JARID2: variants seen among roughly 807,000 people sequenced by gnomAD.
The protein encoded by JARID2 is jumonji and AT-rich interaction domain containing 2.
JARID2 carries 21 observed loss-of-function variants against 125.6 expected under a neutral mutation model. The observed-to-expected ratio is 0.17, with a 90% confidence interval of 0.12 to 0.24. The LOEUF (loss-of-function observed/expected upper bound fraction) is 0.24. JARID2 is among the 10% of genes least tolerant of loss of function. The pLI, the probability that JARID2 is intolerant of heterozygous loss-of-function variation, is 1.00. For synonymous variants in JARID2, 736 were observed against 661.6 expected (o/e 1.11, Z -1.73); for missense variants, 1,303 against 1,639.6 (o/e 0.79, Z 3.55).
At chr6:15,511,200 T>C (rs200762357) in intron 12 of JARID2, 96 bp from the exon 13 acceptor site, 1 of 696,954 alleles carries the variant, frequency 1.4e-6, no homozygotes, top group Non-Finnish European at 2.5e-6. Flanking sequence ...GAGCCTCTCG[T>C]GTGCTCGGGT....
intron 2 of JARID2, among the ~76,000 whole-genome samples, chr6:15,378,603 T>C (rs1039170837): frequency 2.6e-5 from 4 of 152,186 alleles, no homozygotes; most frequent in African/African-American, 9.7e-5. Flanking sequence ...TAATTCACAG[T>C]AGCAGAATTG....
intron 1 of JARID2, among the ~76,000 whole-genome samples, chr6:15,370,206 C>T (rs891127324): frequency 2.6e-5 from 4 of 152,100 alleles, no homozygotes; most frequent in Admixed American, 2.6e-4. Context: ...TAGTGATTTC[C>T]TTGCCCCGTG....
chr6:15,496,110 C>T (rs1235071479), intron 6 of JARID2, 22 bp from the exon 7 acceptor site: 2 of 1,577,542 alleles, frequency 1.3e-6, no homozygotes, highest in Admixed American at 3.5e-5. Flanking sequence ...TTTTTTCCAC[C>T]TCTGCTTCTG....
intron 1 of JARID2, among the ~76,000 whole-genome samples, chr6:15,250,144 T>G (rs938874742): frequency 6.6e-6 from 1 of 152,228 alleles, no homozygotes; most frequent in Non-Finnish European, 1.5e-5. Context: ...TCAAGCAGAA[T>G]TTGTACCACT....
chr6:15,518,155 G>A (rs1554149001), intron 17 of JARID2, among the ~76,000 whole-genome samples: 1 of 152,250 alleles, frequency 6.6e-6, no homozygotes, highest in Non-Finnish European at 1.5e-5. Flanking sequence ...AAATGTCCAG[G>A]CACAGTTGCA....
chr6:15,394,576 G>A (rs1268019546), intron 2 of JARID2, among the ~76,000 whole-genome samples: 1 of 152,156 alleles, frequency 6.6e-6, no homozygotes, highest in Non-Finnish European at 1.5e-5. Flanking sequence ...TGCAGCGTGG[G>A]ACACAGAGCA....
At chr6:15,448,908 T>C (rs1179329418) in intron 3 of JARID2, among the ~76,000 whole-genome samples, 1 of 152,114 alleles carries the variant, frequency 6.6e-6, no homozygotes, top group African/African-American at 2.4e-5. Context: ...CCCAATAAAT[T>C]AGGCTTGTGT....
At chr6:15,504,136 C>G (rs1373760529) in intron 8 of JARID2, among the ~76,000 whole-genome samples, 1 of 149,036 alleles carries the variant, frequency 6.7e-6, no homozygotes, top group African/African-American at 2.5e-5. Context: ...TGGCCCGCAG[C>G]AGCCTTTGTC....
intron 2 of JARID2, among the ~76,000 whole-genome samples, chr6:15,381,979 T>C (rs1388785716): frequency 2.0e-5 from 3 of 152,206 alleles, no homozygotes; most frequent in Non-Finnish European, 2.9e-5. Context: ...TACTGTAGGA[T>C]AAATGCTTTA....
intron 1 of JARID2, among the ~76,000 whole-genome samples, chr6:15,322,367 A>G (rs1340290475): frequency 2.0e-5 from 3 of 152,210 alleles, no homozygotes; most frequent in Non-Finnish European, 2.9e-5. Flanking sequence ...CATATTCACT[A>G]TTATCACTCT....
chr6:15,465,810 G>T lies in JARID2; in HGVS notation c.494-2732G>T, dbSNP rs182421367. Among the ~76,000 whole-genome samples, 422 of 147,654 alleles carry T rather than the reference G, an allele frequency of 2.9e-3. 15 individuals are homozygous for T. The East Asian group carries it at 0.066, about 23-fold the overall frequency. On this transcript the variant is annotated intron_variant, in intron 4 of 17. Transcript: ENST00000341776. ...TTGCTGTTTGTTTGTTTGTTTGTTT[G>T]TTTGTTTTTTTGAGACGGAGTCTTG...
chr6:15,317,583 T>C (rs1302678760), intron 1 of JARID2, among the ~76,000 whole-genome samples: 5 of 151,920 alleles, frequency 3.3e-5, no homozygotes, highest in Non-Finnish European at 7.4e-5. Context: ...TCCCCAAAGG[T>C]ACCTGAATGC....
At chr6:15,266,063 ATTAAAGGTCAATACTG>A (rs1760072020) in intron 1 of JARID2, among the ~76,000 whole-genome samples, 1 of 152,294 alleles carries the variant, frequency 6.6e-6, no homozygotes, top group African/African-American at 2.4e-5. Context: ...GTGTCTCCAA[ATTAAAGGTCAATACTG>A]ATCAGCTTTC....
At chr6:15,323,705 C>CGCG in intron 1 of JARID2, among the ~76,000 whole-genome samples, 1 of 152,232 alleles carries the variant, frequency 6.6e-6, no homozygotes, top group East Asian at 1.9e-4. Flanking sequence ...GCAGGCAGAT[C>CGCG]GCAACATGGT....
chr6:15,332,195 A>C (rs1031340107), intron 1 of JARID2, among the ~76,000 whole-genome samples: 19 of 152,356 alleles, frequency 1.2e-4, no homozygotes, highest in Admixed American at 1.2e-3. Context: ...TGCAGAAACA[A>C]CTATTGATAA....
rs1481994674 is a variant in JARID2, at chr6:15,496,452, C to G, written c.1227C>G (p.Val409=). The change falls in exon 7 of 18, where the codon GTC becomes GTG. Residue 409 remains valine (V), a synonymous_variant. Coordinates refer to ENST00000341776, the MANE Select transcript of JARID2 (RefSeq NM_004973.4). ...GGCCCGCCGTCAATGGCCTCAAGGTCAGTGGCAGGTTGAACCCAAAGTCAT... is the reference window on the plus strand; with the variant it reads ...GGCCCGCCGTCAATGGCCTCAAGGTGAGTGGCAGGTTGAACCCAAAGTCAT... ...STGPAVNGLK[V]SGRLNPKSCT... is the part of the protein sequence containing the mutation. 6.2e-7 allele frequency: 1 copy of G among 1,613,562 alleles called. No homozygotes were observed.
At chr6:15,246,846 A>T (rs961903972) in intron 1 of JARID2, among the ~76,000 whole-genome samples, 1 of 152,216 alleles carries the variant, frequency 6.6e-6, no homozygotes, top group African/African-American at 2.4e-5. Context: ...ATGAAAGGCA[A>T]GGGATTTTGG....
At chr6:15,450,520 C>T (rs1293086026) in intron 3 of JARID2, among the ~76,000 whole-genome samples, 2 of 152,138 alleles carry the variant, frequency 1.3e-5, no homozygotes, top group Non-Finnish European at 2.9e-5. Context: ...CATTATCCAT[C>T]CTACGTAGTG....
chr6:15,337,870 C>G (rs967010703), intron 1 of JARID2, among the ~76,000 whole-genome samples: 8 of 152,124 alleles, frequency 5.3e-5, no homozygotes, highest in African/African-American at 1.9e-4. Context: ...AATGCTTTTT[C>G]AGTCCCAAAC....
Sources: allele counts gnomAD v4.1 joint callset (sites outside exome capture counted in the v4.1 genomes callset), GRCh38; gene constraint gnomAD v4.1.1; transcripts MANE v1.5; gene names NCBI Gene and HGNC (gene_info 2026-07-23, HGNC 2026-07-21).